Variants in CBFA2T3 observed in about 807,000 individuals in gnomAD.
The protein encoded by CBFA2T3 is transcriptional corepressor CBFA2T3.
Under a neutral mutation model 58.6 loss-of-function variants are expected in CBFA2T3, and 31 were observed. The ratio of observed to expected loss-of-function variants is 0.53; its 90% confidence interval spans 0.40 to 0.71. The LOEUF is 0.71. Among genes scored for constraint, CBFA2T3 ranks in the 30% least tolerant of loss-of-function variants. The pLI, the probability that CBFA2T3 is intolerant of heterozygous loss-of-function variation, is 0.00. For missense variants in CBFA2T3, 1,076 were observed against 963.1 expected (o/e 1.12, Z -1.55); for synonymous variants, 531 against 421.9 (o/e 1.26, Z -3.17).
At chr16:88,882,826 A>ACCCCGC in intron 7 of CBFA2T3, 65 bp from the exon 8 acceptor site, 1 of 1,127,358 alleles carries the variant, frequency 8.9e-7, no homozygotes, top group South Asian at 1.3e-5. Flanking sequence ...ATTCTCCCAG[A>ACCCCGC]CCCCGCCCTC....
At chr16:88,918,296 G>A (rs1425701636) in intron 1 of CBFA2T3, among the ~76,000 whole-genome samples, 1 of 152,234 alleles carries the variant, frequency 6.6e-6, no homozygotes, top group Non-Finnish European at 1.5e-5. Context: ...CTGCAGGCCG[G>A]GGGTGAAGGG....
At position 88,958,761 on chromosome 16, in the gene CBFA2T3, T is replaced by A. The variant is rs555528606; in HGVS notation, c.151+17896A>T. ...CTCCCAGGGCTGGGGCCTCAGGGCCTCAGCGTAGCCCAGGTCTGCGCTGGC... is the reference window on the plus strand; with the variant it reads ...CTCCCAGGGCTGGGGCCTCAGGGCCACAGCGTAGCCCAGGTCTGCGCTGGC... On this transcript the variant is annotated intron_variant, in intron 1 of 11. Coordinates refer to ENST00000268679, the MANE Select transcript of CBFA2T3 (RefSeq NM_005187.6). The surrounding 1 kb of genome is among the most constrained non-coding windows in gnomAD (Gnocchi z 4.0). Among the ~76,000 whole-genome samples, 8 of 152,152 alleles carry A rather than the reference T, an allele frequency of 5.3e-5. No homozygotes were observed. The highest frequency in any genetic ancestry group is 1.9e-4 in the African/African-American group (8 of 41,520).
intron 4 of CBFA2T3, 35 bp downstream of exon 4, chr16:88,892,209 T>C (rs934824983): frequency 1.9e-6 from 3 of 1,590,630 alleles, no homozygotes; most frequent in African/African-American, 1.3e-5. Context: ...GGAATATGCA[T>C]GTCCCAAGGC....
intron 1 of CBFA2T3, among the ~76,000 whole-genome samples, chr16:88,954,630 C>A (rs565413031): frequency 2.2e-5 from 1 of 45,620 alleles, no homozygotes; most frequent in Non-Finnish European, 4.8e-5. Flanking sequence ...TGACTCCACC[C>A]AAGGCTCCTG....
chr16:88,889,179 T>C (rs956183206), intron 5 of CBFA2T3, among the ~76,000 whole-genome samples: 1 of 151,146 alleles, frequency 6.6e-6, no homozygotes, highest in Admixed American at 6.6e-5. Context: ...GCTAACGAAC[T>C]GCAAACGACG....
rs539491668 is a variant in CBFA2T3 at position 88,967,100 on chromosome 16, G to C, written c.151+9557C>G. Among the ~76,000 whole-genome samples, 6 of 138,490 alleles carry C rather than the reference G, an allele frequency of 4.3e-5. No individual in the cohort carries two copies. The East Asian group carries it at 1.9e-3, about 43-fold the overall frequency. 90.9% of individuals were successfully genotyped at this position (138,490 alleles called of 152,430 possible). On this transcript the variant is annotated intron_variant, in intron 1 of 11. Transcript: ENST00000268679. ...AGCTGAGAACAGTGCGCTGGTGTGT[G>C]CCACCCCCAACCCCCAACCCCCGAG... is the stretch of plus-strand genomic sequence containing the variant.
rs183055539 is a variant in CBFA2T3 at position 88,936,701 on chromosome 16, G to A, written c.152-35045C>T. On this transcript the variant is annotated intron_variant, in intron 1 of 11. Transcript: ENST00000268679. ...CTCCGGGAGACATCTTCCTTATTAC[G>A]GCCAAATTCATCTTTGTTTTCCTTC... 9 of 152,444 alleles carry A rather than the reference G, an allele frequency of 5.9e-5. No homozygotes were observed. In the South Asian group the frequency reaches 6.2e-4, roughly 10 times the overall value. 9.4% of individuals were successfully genotyped at this position (152,444 alleles called of 1,614,324 possible).
rs779901587 is a variant in CBFA2T3, at chr16:88,892,412, G to A, written c.453C>T (p.Gly151=). 3 of 1,613,574 alleles carry A rather than the reference G, an allele frequency of 1.9e-6. No individual in the cohort carries two copies. Among genetic ancestry groups the A allele is most frequent in the South Asian group, 1.1e-5 (1 of 91,090 alleles). ...APCTPNGFSN[G]PATSSTASLS... Reference sequence around the variant, plus strand: ...AGGAGGCTGTGGACGAGGTGGCCGGGCCATTGCTGAAGCCGTTGGGTGTGC... The same window carrying A: ...AGGAGGCTGTGGACGAGGTGGCCGGACCATTGCTGAAGCCGTTGGGTGTGC... The change falls in exon 4 of 12, where the codon GGC becomes GGT. Residue 151 remains glycine, a synonymous_variant. Coordinates refer to ENST00000268679, the MANE Select transcript of CBFA2T3 (RefSeq NM_005187.6).
chr16:88,941,100 C>A, intron 1 of CBFA2T3: 2 of 984,536 alleles, frequency 2.0e-6, no homozygotes, highest in African/African-American at 3.5e-5. Context: ...CTCCTTCCAG[C>A]TTGGTCCCCG....
rs1169243780 is a variant in CBFA2T3 at position 88,877,094 on chromosome 16, T to C, written c.1844A>G (p.His615Arg). The C allele has an allele frequency of 6.5e-7, 1 of 1,542,374 alleles. No individual in the cohort carries two copies. Among genetic ancestry groups the C allele is most frequent in the South Asian group, 1.2e-5 (1 of 83,774 alleles). ...CACAGGCAGGGAGGGGCCCAGGCTG[T>C]GGGCGGCTTCGGGCGGTCCAGGCAC... Reference protein sequence around the residue: ...DPVPGPPEAAHSLGPSLPVGA... With the variant: ...DPVPGPPEAARSLGPSLPVGA... The change falls in exon 12 of 12, where the codon CAC becomes CGC. Residue 615 changes from histidine (H) to arginine (R), a missense_variant. Transcript: ENST00000268679.
intron 8 of CBFA2T3, among the ~76,000 whole-genome samples, chr16:88,882,401 G>A (rs1029242552): frequency 1.3e-5 from 2 of 151,574 alleles, no homozygotes; most frequent in Non-Finnish European, 2.9e-5. Flanking sequence ...GGCTGTGTGT[G>A]TGGGTGTGGC....
intron 1 of CBFA2T3, chr16:88,938,157 C>A (rs759519451): frequency 3.3e-5 from 5 of 152,234 alleles, no homozygotes; most frequent in Non-Finnish European, 7.3e-5. Context: ...GTGCCCTGAC[C>A]CCAGATGGGC....
At position 88,879,829 on chromosome 16, in the gene CBFA2T3, G is replaced by A. The variant is rs961146198; in HGVS notation, c.1472-369C>T. 4.1e-5 allele frequency: 9 copies of A among 221,882 alleles called. 4 individuals are homozygous for A. 13.7% of individuals were successfully genotyped at this position (221,882 alleles called of 1,614,324 possible). ...GGGCAAGGGCGAGGCCCACCCCAGG[G>A]CCTGGTCAGCCAGGGGCGCACCCGG... On this transcript the variant is annotated intron_variant, in intron 10 of 11. Transcript: ENST00000268679.
intron 1 of CBFA2T3, among the ~76,000 whole-genome samples, chr16:88,902,203 G>A (rs1970125663): frequency 6.6e-6 from 1 of 152,218 alleles, no homozygotes; most frequent in Admixed American, 6.5e-5. Flanking sequence ...GGGCTGGGGG[G>A]CGGGGGACGG....
At chr16:88,900,741 G>A (rs1453010180) in intron 2 of CBFA2T3, among the ~76,000 whole-genome samples, 4 of 152,182 alleles carry the variant, frequency 2.6e-5, no homozygotes, top group South Asian at 2.1e-4. Flanking sequence ...CCACCCCGCC[G>A]GCCCAGCAAC....
intron 1 of CBFA2T3, among the ~76,000 whole-genome samples, chr16:88,975,424 C>T (rs1007887840): frequency 1.3e-5 from 2 of 152,234 alleles, no homozygotes; most frequent in African/African-American, 2.4e-5. Context: ...CTCTCCGCGC[C>T]GGTGAGAACC....
At chr16:88,894,696 C>A (rs1969817155) in intron 3 of CBFA2T3, among the ~76,000 whole-genome samples, 2 of 152,236 alleles carry the variant, frequency 1.3e-5, no homozygotes, top group African/African-American at 4.8e-5. Context: ...TCCAGGGGAT[C>A]CACCCCTCAC....
chr16:88,903,595 T>A (rs1488889446), intron 1 of CBFA2T3, among the ~76,000 whole-genome samples: 1 of 145,982 alleles, frequency 6.9e-6, no homozygotes, highest in Non-Finnish European at 1.5e-5. Flanking sequence ...CGGTGGCCAG[T>A]CCCTGGTGAC....
chr16:88,891,484 C>T (rs1969627825), intron 5 of CBFA2T3, among the ~76,000 whole-genome samples: 1 of 152,226 alleles, frequency 6.6e-6, no homozygotes, highest in Admixed American at 6.5e-5. Flanking sequence ...GCTGCATGTC[C>T]TGGGCCCTAT....
Sources: allele counts gnomAD v4.1 joint callset (sites outside exome capture counted in the v4.1 genomes callset), GRCh38; gene constraint gnomAD v4.1.1; non-coding constraint Gnocchi (gnomAD v3.1); transcripts MANE v1.5; gene names NCBI Gene and HGNC (gene_info 2026-07-23, HGNC 2026-07-21).